LAMB4: variants seen among roughly 807,000 people sequenced by gnomAD.
LAMB4 encodes the protein laminin subunit beta 4, also known as laminin subunit beta-4.
A neutral mutation model predicts 199.2 loss-of-function variants in LAMB4; 196 were observed. The ratio of observed to expected loss-of-function variants is 0.98; its 90% CI spans 0.88 to 1.11. The LOEUF (loss-of-function observed/expected upper bound fraction) is 1.11. Ranked by LOEUF, LAMB4 falls within the 50% of genes least tolerant of loss-of-function variation. The pLI is 0.00. For missense variants in LAMB4, 2,080 were observed against 2,171.2 expected (o/e 0.96, Z 0.83); for synonymous variants, 744 against 770.6 (o/e 0.97, Z 0.57).
intron 15 of LAMB4, among the ~76,000 whole-genome samples, chr7:108,079,102 C>A (rs902848932): frequency 1.3e-5 from 2 of 152,208 alleles, no homozygotes; most frequent in African/African-American, 4.8e-5. Context: ...GGCTTCTATT[C>A]TGTTTTAGAT....
downstream of LAMB4, among the ~76,000 whole-genome samples, chr7:108,021,432 G>A (rs553191333): frequency 1.2e-4 from 18 of 152,080 alleles, no homozygotes; most frequent in Non-Finnish European, 2.2e-4. Flanking sequence ...AATGGGGGAC[G>A]GGCATGGTGG....
Position 108,107,683 on chromosome 7 carries a change from T to C in LAMB4, c.539A>G (p.Asp180Gly). 6.2e-7 allele frequency: 1 copy of C among 1,612,392 alleles called. No individual in the cohort carries two copies. The highest frequency in any genetic ancestry group is 1.1e-5 in the South Asian group (1 of 90,440). ...CGAGTATTTGGAGTCACAAACAATG[T>C]CTCCCACTCCCTGGGCCTGGCCAGA... is the stretch of plus-strand genomic sequence containing the variant. ...ITSGQAQGVG[D>G]IVCDSKYSDI... Residue 180 changes from aspartate (D) to glycine (G), a missense_variant, in exon 6 of 34, where the codon GAC (aspartate) becomes GGC (glycine). Coordinates refer to ENST00000388781, the MANE Select transcript of LAMB4 (RefSeq NM_007356.3).
Position 108,092,381 on chromosome 7 carries a change from C to A in LAMB4, c.1506G>T (p.Gly502=). ...GYWGLGNHLH[G]CSPCDCDIGG... ...CAATATCACAGTCACAGGGAGAACA[C>A]CCATGGAGATGATTTCCCAGGCCCC... The change falls in exon 13 of 34, where the codon GGG becomes GGT. Residue 502 remains glycine (G), a synonymous_variant. Coordinates refer to ENST00000388781, the MANE Select transcript of LAMB4 (RefSeq NM_007356.3). 1.2e-6 allele frequency: 2 copies of A among 1,614,008 alleles called. No homozygotes were observed. Among genetic ancestry groups the A allele is most frequent in the Admixed American group, 3.3e-5 (2 of 60,018 alleles).
At chr7:108,123,068 T>G (rs2038654504) in intron 2 of LAMB4, 63 bp downstream of exon 2, 1 of 1,393,984 alleles carries the variant, frequency 7.2e-7, no homozygotes, top group East Asian at 2.3e-5. Flanking sequence ...GTTTAAAAAC[T>G]ATTTCCATTA....
intron 1 of LAMB4, among the ~76,000 whole-genome samples, chr7:108,129,560 CAG>C (rs1251643293): frequency 6.9e-6 from 1 of 145,646 alleles, no homozygotes; most frequent in Non-Finnish European, 1.5e-5. Flanking sequence ...TTTTTGGAGA[CAG>C]AGTCTTCCTC....
intron 21 of LAMB4, 110 bp downstream of exon 21, chr7:108,065,652 T>A: frequency 1.2e-6 from 1 of 815,956 alleles, no homozygotes; most frequent in Non-Finnish European, 1.9e-6. Context: ...TTCTTACCAT[T>A]TCTGCACCAC....
At chr7:108,049,578 G>C in intron 26 of LAMB4, 47 bp from the exon 27 acceptor site, 1 of 1,048,060 alleles carries the variant, frequency 9.5e-7, no homozygotes, top group Non-Finnish European at 1.4e-6. Context: ...GAAAACAAAT[G>C]AAATTATATA....
At chr7:108,088,451 A>G (rs1013719917) in intron 14 of LAMB4, among the ~76,000 whole-genome samples, 52 of 152,326 alleles carry the variant, frequency 3.4e-4, no homozygotes, top group African/African-American at 1.1e-3. Flanking sequence ...GGCATGAGCC[A>G]CCATGCCTGG....
At chr7:108,067,570 T>C (rs1176387687) in intron 19 of LAMB4, among the ~76,000 whole-genome samples, 1 of 152,194 alleles carries the variant, frequency 6.6e-6, no homozygotes, top group East Asian at 1.9e-4. Context: ...AAGGGTGATA[T>C]CCTCATTGGG....
rs1207645651 is a variant in LAMB4, at chr7:108,123,035, C to CT, written c.34+95dup. 2.2e-5 allele frequency: 24 copies of CT among 1,099,898 alleles called. No homozygotes were observed. In the Admixed American group the frequency reaches 3.0e-4, roughly 14 times the overall value. The allele number at this position is 1,099,898 out of a possible 1,614,324, so 68.1% of individuals were successfully genotyped here. A position where few individuals can be genotyped will look rare whatever the true frequency, so the allele number is the denominator to read the frequency against. ...AGAATAGCTACATAAGCATACAGCA[C>CT]TATAGAAGACAGAAGTGAATATGTT... is the stretch of plus-strand genomic sequence containing the variant. On this transcript the variant is annotated intron_variant, in intron 2 of 33. Transcript: ENST00000388781.
chr7:108,086,810 G>A (rs1026919006), intron 14 of LAMB4, among the ~76,000 whole-genome samples: 1 of 152,186 alleles, frequency 6.6e-6, no homozygotes, highest in Admixed American at 6.5e-5. Flanking sequence ...TGGGGCACAT[G>A]GCAAACACCC....
chr7:108,054,661 CAT>C (rs921575009), intron 25 of LAMB4, among the ~76,000 whole-genome samples: 19 of 152,160 alleles, frequency 1.2e-4, no homozygotes, highest in Non-Finnish European at 1.8e-4. Flanking sequence ...CCTTAGGAAT[CAT>C]AGCATCTCTG....
At chr7:108,037,212 C>A (rs983203003) in intron 30 of LAMB4, among the ~76,000 whole-genome samples, 176 bp downstream of exon 30, 1 of 152,076 alleles carries the variant, frequency 6.6e-6, no homozygotes, top group South Asian at 2.1e-4. Context: ...ACCCTGTCAC[C>A]GAGTCACTCA....
At chr7:108,116,537 A>G (rs1259541095) in intron 2 of LAMB4, among the ~76,000 whole-genome samples, 2 of 152,242 alleles carry the variant, frequency 1.3e-5, no homozygotes, top group Non-Finnish European at 2.9e-5. Flanking sequence ...ACACCCGCAT[A>G]TGAAAGTCCA....
At chr7:108,093,049 T>C (rs925756645) in intron 12 of LAMB4, among the ~76,000 whole-genome samples, 2 of 152,186 alleles carry the variant, frequency 1.3e-5, no homozygotes, top group African/African-American at 4.8e-5. Context: ...TAGAAGTTCT[T>C]CTACCAGCCT....
intron 1 of LAMB4, among the ~76,000 whole-genome samples, chr7:108,124,678 C>A (rs2038717382): frequency 6.6e-6 from 1 of 151,158 alleles, no homozygotes; most frequent in Non-Finnish European, 1.5e-5. Context: ...AAAAAAACAA[C>A]CTCATTATAA....
intron 2 of LAMB4, among the ~76,000 whole-genome samples, chr7:108,120,383 T>C (rs1480752225): frequency 1.3e-5 from 2 of 152,238 alleles, no homozygotes; most frequent in African/African-American, 4.8e-5. Flanking sequence ...TCATAAGTTC[T>C]ACAGCTAAGA....
At chr7:108,077,203 AC>A in intron 16 of LAMB4, 139 bp from the exon 17 acceptor site, 1 of 771,368 alleles carries the variant, frequency 1.3e-6, no homozygotes, top group Non-Finnish European at 2.1e-6. Flanking sequence ...GTAGGTCTAG[AC>A]CAGCACAGGT....
intron 15 of LAMB4, among the ~76,000 whole-genome samples, chr7:108,079,051 G>A (rs1488322254): frequency 6.6e-6 from 1 of 152,220 alleles, no homozygotes; most frequent in Non-Finnish European, 1.5e-5. Context: ...TCCAAAGGAA[G>A]GTTAGGAACT....
Sources: gnomAD v4.1 joint callset for allele counts (sites outside exome capture counted in the v4.1 genomes callset) on GRCh38, gnomAD v4.1.1 for gene constraint, MANE v1.5 for transcripts, NCBI Gene and HGNC (gene_info 2026-07-23, HGNC 2026-07-21) for gene names.